KCNN2: variants seen among roughly 807,000 people sequenced by gnomAD.
The protein encoded by KCNN2 is potassium calcium-activated channel subfamily N member 2.
KCNN2 carries 24 observed loss-of-function variants against 55.5 expected under a neutral mutation model. The ratio of observed to expected loss-of-function variants is 0.43; its 90% CI spans 0.31 to 0.61. The LOEUF is 0.61. KCNN2 is among the 20% of genes least tolerant of loss of function. The pLI, the probability that KCNN2 is intolerant of heterozygous loss-of-function variation, is 0.08. For missense variants in KCNN2, 754 were observed against 853.6 expected (o/e 0.88, Z 1.45); for synonymous variants, 431 against 336.1 (o/e 1.28, Z -3.09).
intron 2 of KCNN2, among the ~76,000 whole-genome samples, chr5:114,337,897 C>T (rs1756948675): frequency 6.6e-6 from 1 of 152,032 alleles, no homozygotes; most frequent in African/African-American, 2.4e-5. Context: ...AGGCAAAAAA[C>T]CATAATGCTA....
At chr5:114,229,598 AG>A (rs1448463640) in intron 2 of KCNN2, among the ~76,000 whole-genome samples, 4 of 129,084 alleles carry the variant, frequency 3.1e-5, no homozygotes, top group African/African-American at 1.1e-4. Context: ...TTAAAAAATT[AG>A]ATGTAAATAT....
At chr5:114,128,818 T>A (rs974685951) in intron 1 of KCNN2, among the ~76,000 whole-genome samples, 1 of 152,168 alleles carries the variant, frequency 6.6e-6, no homozygotes, top group Admixed American at 6.5e-5. Flanking sequence ...TAAATCTGCA[T>A]GTTATTTGAG....
intron 2 of KCNN2, among the ~76,000 whole-genome samples, chr5:114,268,942 G>A (rs1253939028): frequency 2.0e-5 from 3 of 151,896 alleles, no homozygotes; most frequent in African/African-American, 7.3e-5. Flanking sequence ...TGTCTCGGGG[G>A]TGGGGGGGTT....
In KCNN2 at chr5:114,448,400, A is replaced by G. The variant is rs184496612; in HGVS notation, c.1638-14649A>G. On this transcript the variant is annotated intron_variant, in intron 3 of 7. Coordinates refer to ENST00000673685, the MANE Select transcript of KCNN2 (RefSeq NM_021614.4). ...GTTCACTACACTGTGCTCCTCCTGC[A>G]TGAACCTAGACCTGTGTTTTAATTC... 2.0e-5 allele frequency among the ~76,000 whole-genome samples: 3 copies of G among 152,248 alleles called. No individual in the cohort carries two copies. The East Asian group carries it at 5.8e-4, about 29-fold the overall frequency.
chr5:114,245,978 A>T (rs1754742159), intron 2 of KCNN2, among the ~76,000 whole-genome samples: 1 of 152,208 alleles, frequency 6.6e-6, no homozygotes, highest in Non-Finnish European at 1.5e-5. Flanking sequence ...TCAAACCCTC[A>T]GGGATATTAG....
chr5:114,414,263 A>C (rs973253884), intron 3 of KCNN2, among the ~76,000 whole-genome samples: 2 of 152,214 alleles, frequency 1.3e-5, no homozygotes, highest in Non-Finnish European at 2.9e-5. Flanking sequence ...TCTGCCTTCT[A>C]TTATAATGTT....
intron 2 of KCNN2, among the ~76,000 whole-genome samples, chr5:114,242,794 A>G (rs975730302): frequency 2.0e-5 from 3 of 152,218 alleles, no homozygotes; most frequent in African/African-American, 4.8e-5. Context: ...TAGATTATTA[A>G]CTTTCTAAAA....
At chr5:114,305,511 G>T (rs1018849692) in intron 2 of KCNN2, among the ~76,000 whole-genome samples, 3 of 152,176 alleles carry the variant, frequency 2.0e-5, no homozygotes, top group Non-Finnish European at 4.4e-5. Flanking sequence ...TCAGGAGCTT[G>T]CTCACCTTCA....
chr5:114,185,987 T>C (rs1181126617), intron 1 of KCNN2, among the ~76,000 whole-genome samples: 1 of 152,206 alleles, frequency 6.6e-6, no homozygotes, highest in African/African-American at 2.4e-5. Context: ...GCTGAGACCT[T>C]AATTTTTAAA....
chr5:114,249,433 C>T (rs1427229597), intron 2 of KCNN2, among the ~76,000 whole-genome samples: 1 of 151,480 alleles, frequency 6.6e-6, no homozygotes, highest in Admixed American at 6.6e-5. Context: ...ATTACAGGTG[C>T]GTGCCACTAC....
At chr5:114,108,794 C>T (rs1200452469) in intron 1 of KCNN2, among the ~76,000 whole-genome samples, 6 of 151,588 alleles carry the variant, frequency 4.0e-5, no homozygotes, top group Non-Finnish European at 7.4e-5. Flanking sequence ...GGATTGTTTT[C>T]AGTTTGGGGC....
At chr5:114,282,715 G>C (rs1755648074) in intron 2 of KCNN2, among the ~76,000 whole-genome samples, 1 of 152,058 alleles carries the variant, frequency 6.6e-6, no homozygotes, top group African/African-American at 2.4e-5. Flanking sequence ...AGAGAGCTCT[G>C]TCTTCTTTTT....
intron 1 of KCNN2, among the ~76,000 whole-genome samples, chr5:114,123,628 G>T (rs373277637): frequency 3.1e-5 from 2 of 63,734 alleles, no homozygotes; most frequent in African/African-American, 1.0e-4. Flanking sequence ...CTCCCAAAGT[G>T]CTGGGATTAC....
chr5:114,363,637 A>G (rs1356853412), intron 1 of KCNN2, among the ~76,000 whole-genome samples: 1 of 152,162 alleles, frequency 6.6e-6, no homozygotes, highest in Non-Finnish European at 1.5e-5. Flanking sequence ...GCTAGCCTGG[A>G]ACAGCGGCGC....
chr5:114,362,561 A>C lies in KCNN2; in HGVS notation c.422A>C (p.Gln141Pro). 1.6e-6 allele frequency: 1 copy of C among 619,188 alleles called. No homozygotes were observed. The highest frequency in any genetic ancestry group is 2.6e-6 in the Non-Finnish European group (1 of 379,956). The allele number at this position is 619,188 out of a possible 1,614,324, so 38.4% of individuals were successfully genotyped here. Residue 141 changes from glutamine to proline, a missense_variant, in exon 1 of 8, where the codon CAG becomes CCG. Physicochemically the swap from Gln to Pro is moderately conservative, Grantham distance 76. Transcript: ENST00000673685. ...TPSSHASALR[Q>P]QYAQQSAQQS... ...TCCAGCCATGCCAGTGCGCTCCGGC[A>C]GCAGTACGCGCAGCAGTCCGCGCAG... is the stretch of plus-strand genomic sequence containing the variant.
Position 114,463,055 on chromosome 5 carries a change from T to C in KCNN2, c.1644T>C (p.His548=). 3 of 1,612,426 alleles carry C rather than the reference T, an allele frequency of 1.9e-6. No homozygotes were observed. Among genetic ancestry groups the C allele is most frequent in the South Asian group, 2.2e-5 (2 of 90,594 alleles). The change falls in exon 4 of 8, where the codon CAT becomes CAC. Residue 548 remains histidine (H), a synonymous_variant. Coordinates refer to ENST00000673685, the MANE Select transcript of KCNN2 (RefSeq NM_021614.4). ...AWTVRACERY[H]DQQDVTSNFL... is the part of the protein sequence containing the mutation. ...TTTGTTTGCTGTTTTTCAGGTACCATGATCAACAGGATGTTACTAGCAACT... is the reference window on the plus strand; with the variant it reads ...TTTGTTTGCTGTTTTTCAGGTACCACGATCAACAGGATGTTACTAGCAACT...
At chr5:114,288,739 G>A (rs1477699068) in intron 2 of KCNN2, among the ~76,000 whole-genome samples, 1 of 152,004 alleles carries the variant, frequency 6.6e-6, no homozygotes, top group Admixed American at 6.6e-5. Flanking sequence ...TGAGTTGTAA[G>A]TATCTTTATA....
chr5:114,452,469 T>A (rs1201994264), intron 3 of KCNN2, among the ~76,000 whole-genome samples: 6 of 152,226 alleles, frequency 3.9e-5, no homozygotes, highest in Non-Finnish European at 5.9e-5. Flanking sequence ...AAGCTTCTCA[T>A]GAATGCTTAC....
At chr5:114,369,820 A>G (rs991776) in intron 2 of KCNN2, among the ~76,000 whole-genome samples, 2,731 of 152,174 alleles carry the variant, frequency 0.018, 81 homozygotes, top group African/African-American at 0.062. Context: ...GAAGAGTGGA[A>G]CTTTAGGTTT....
Sources: gnomAD v4.1 joint callset for allele counts (sites outside exome capture counted in the v4.1 genomes callset) on GRCh38, gnomAD v4.1.1 for gene constraint, MANE v1.5 for transcripts, NCBI Gene and HGNC (gene_info 2026-07-23, HGNC 2026-07-21) for gene names.